PLSCR5: variants seen among roughly 807,000 people sequenced by gnomAD.
PLSCR5 encodes the protein phospholipid scramblase family member 5.
In PLSCR5, 44 loss-of-function variants were observed where a neutral mutation model predicts 33.6. The ratio of observed to expected loss-of-function variants is 1.31; its 90% CI spans 1.03 to 1.69. The LOEUF (loss-of-function observed/expected upper bound fraction) is 1.69. PLSCR5 is among the 40% of genes most tolerant of loss of function. The probability of loss-of-function intolerance (pLI) is 0.00; values close to 1 mark genes in which losing one functional copy is unlikely to be tolerated. For missense variants in PLSCR5, 375 were observed against 318.7 expected (o/e 1.18, Z -1.34); for synonymous variants, 148 against 112.3 (o/e 1.32, Z -2.01).
chr3:146,604,786 T>A (rs2044850549), intron 1 of PLSCR5, among the ~76,000 whole-genome samples: 2 of 152,052 alleles, frequency 1.3e-5, no homozygotes, highest in African/African-American at 4.8e-5. Context: ...CCACATAAAT[T>A]TTTAATATTT....
rs769533254 is a variant in PLSCR5 at position 146,589,862 on chromosome 3, G to A, written c.616-48C>T. 6.9e-6 allele frequency: 9 copies of A among 1,297,842 alleles called. No individual in the cohort carries two copies. In the East Asian group the frequency reaches 7.4e-5, roughly 11 times the overall value. The allele number at this position is 1,297,842 out of a possible 1,614,324, so 80.4% of individuals were successfully genotyped here. A position where few individuals can be genotyped will look rare whatever the true frequency, so the allele number is the denominator to read the frequency against. On this transcript the variant is annotated intron_variant, in intron 5 of 7. Coordinates refer to ENST00000443512, the MANE Select transcript of PLSCR5 (RefSeq NM_001085420.2). ...ATTAAATTTGACAGTGAAAAAAGTTGGTTTTATACTTCTGAGGGTGTTTAC... is the reference window on the plus strand; with the variant it reads ...ATTAAATTTGACAGTGAAAAAAGTTAGTTTTATACTTCTGAGGGTGTTTAC...
chr3:146,588,069 G>A (rs1405898559), intron 6 of PLSCR5, among the ~76,000 whole-genome samples: 1 of 151,956 alleles, frequency 6.6e-6, no homozygotes, highest in Non-Finnish European at 1.5e-5. Context: ...AGGAATTTAA[G>A]CTTTATAAAA....
chr3:146,577,200 T>C (rs1478292577), intron 7 of PLSCR5, among the ~76,000 whole-genome samples: 4 of 152,128 alleles, frequency 2.6e-5, no homozygotes, highest in Admixed American at 1.3e-4. Flanking sequence ...TAACTCTAGA[T>C]AGAATATTAT....
At chr3:146,588,999 A>T (rs2044687688) in intron 6 of PLSCR5, among the ~76,000 whole-genome samples, 1 of 152,184 alleles carries the variant, frequency 6.6e-6, no homozygotes, top group Admixed American at 6.6e-5. Context: ...ATGGTAGGAA[A>T]TTAGGTAAAT....
intron 6 of PLSCR5, among the ~76,000 whole-genome samples, chr3:146,586,730 A>G (rs550929867): frequency 7.9e-6 from 1 of 126,050 alleles, no homozygotes; most frequent in African/African-American, 3.0e-5. Context: ...AGAAGAGACC[A>G]AAAATTAGAT....
intron 5 of PLSCR5, among the ~76,000 whole-genome samples, chr3:146,591,072 T>C (rs184489648): frequency 1.3e-5 from 2 of 151,882 alleles, no homozygotes; most frequent in Admixed American, 6.6e-5. Flanking sequence ...AATGCTGTTT[T>C]AATGTAACGT....
In PLSCR5 at chr3:146,589,654, AAG is replaced by A. The variant is rs1422749120; in HGVS notation, c.774_775del (p.Phe259Ter). The A allele has an allele frequency of 6.3e-7, 1 of 1,575,890 alleles. No individual in the cohort carries two copies. Reference sequence around the variant, plus strand: ...CATGCTCTCAAAGCCCATACTTACAAAGAGAAAACAGGCACCGATCATTGCTG... The same window carrying A: ...CATGCTCTCAAAGCCCATACTTACAAAGAAAACAGGCACCGATCATTGCTG... On this transcript the variant is annotated frameshift_variant and splice_region_variant, in exon 6 of 8. Transcript: ENST00000443512. LOFTEE classifies it high-confidence loss of function.
chr3:146,586,396 A>T (rs57144796), intron 6 of PLSCR5, among the ~76,000 whole-genome samples: 39,567 of 152,076 alleles, frequency 0.26, 5,160 homozygotes, highest in African/African-American at 0.27. Flanking sequence ...AGAAAAATTT[A>T]AAAATTTTAA....
At position 146,591,782 on chromosome 3, in the gene PLSCR5, C is replaced by G. The variant is rs765928245; in HGVS notation, c.553G>C (p.Asp185His). The G allele has an allele frequency of 3.1e-6, 5 of 1,612,112 alleles. No individual in the cohort carries two copies. The highest frequency in any genetic ancestry group is 4.2e-6 in the Non-Finnish European group (5 of 1,178,914). ...CAAGGACCAACAATTTTCAAAATATCTTCTTTGTTTGCATTTTGGATTGTG... is the reference window on the plus strand; with the variant it reads ...CAAGGACCAACAATTTTCAAAATATGTTCTTTGTTTGCATTTTGGATTGTG... Reference protein sequence around the residue: ...KFTIQNANKEDILKIVGPCVT... With the variant: ...KFTIQNANKEHILKIVGPCVT... Residue 185 changes from aspartate to histidine, a missense_variant, in exon 5 of 8, where the codon GAT becomes CAT. Physicochemically the swap from Asp to His is moderately conservative, Grantham distance 81. Transcript: ENST00000443512.
intron 5 of PLSCR5, 37 bp from the exon 6 acceptor site, chr3:146,589,851 T>A: frequency 7.3e-7 from 1 of 1,370,354 alleles, no homozygotes; most frequent in Non-Finnish European, 9.8e-7. Flanking sequence ...AATTTGACAG[T>A]GAAAAAAGTT....
At position 146,600,167 on chromosome 3, in the gene PLSCR5, C is replaced by T. The variant is rs887487032; in HGVS notation, c.189+121G>A. 4 of 728,132 alleles carry T rather than the reference C, an allele frequency of 5.5e-6. No homozygotes were observed. The African/African-American group carries it at 5.5e-5, about 10-fold the overall frequency. 45.1% of individuals were successfully genotyped at this position (728,132 alleles called of 1,614,324 possible). A position where few individuals can be genotyped will look rare whatever the true frequency, so the allele number is the denominator to read the frequency against. ...TTTTATAATTTTATGATTTATAATG[C>T]TTTTTTCATTTCAGTAAATTATTGG... On this transcript the variant is annotated intron_variant, in intron 2 of 7. Transcript: ENST00000443512.
At chr3:146,590,417 T>TA (rs945343315) in intron 5 of PLSCR5, 3 of 152,002 alleles carry the variant, frequency 2.0e-5, no homozygotes, top group Admixed American at 6.6e-5. Context: ...ATTTTTACAT[T>TA]AAAAAAATCC....
At chr3:146,580,454 CTTTTTTTTTTTTTTTTT>C (rs1170556618) in intron 7 of PLSCR5, among the ~76,000 whole-genome samples, 1 of 60,570 alleles carries the variant, frequency 1.7e-5, no homozygotes, top group Non-Finnish European at 3.0e-5. Context: ...TTTGAATTTG[CTTTTTTTTTTTTTTTTT>C]TTTTTTTTTT....
intron 5 of PLSCR5, 35 bp downstream of exon 5, chr3:146,591,685 C>G (rs16858574): frequency 0.037 from 58,628 of 1,572,076 alleles, 1,411 homozygotes; most frequent in East Asian, 0.13. Context: ...AAATCAGGAC[C>G]TAAATGAAAA....
intron 7 of PLSCR5, among the ~76,000 whole-genome samples, chr3:146,580,392 T>C (rs1003574147): frequency 6.6e-6 from 1 of 151,066 alleles, no homozygotes; most frequent in African/African-American, 2.4e-5. Flanking sequence ...CTGTACTCCA[T>C]ACTGGCTTCC....
At chr3:146,594,459 T>C (rs2044742112) in intron 3 of PLSCR5, among the ~76,000 whole-genome samples, 1 of 152,124 alleles carries the variant, frequency 6.6e-6, no homozygotes, top group South Asian at 2.1e-4. Context: ...ATAATTATAT[T>C]ATTGTTATAG....
At position 146,592,038 on chromosome 3, in the gene PLSCR5, A is replaced by G. The variant is rs533766708; in HGVS notation, c.454-157T>C. On this transcript the variant is annotated intron_variant, in intron 4 of 7. Coordinates refer to ENST00000443512, the MANE Select transcript of PLSCR5 (RefSeq NM_001085420.2). ...ACCTGCTTCTAAGGATACAGATTTTATAAAATATTTTACAGAAAACAAAGA... is the reference window on the plus strand; with the variant it reads ...ACCTGCTTCTAAGGATACAGATTTTGTAAAATATTTTACAGAAAACAAAGA... 2.6e-5 allele frequency among the ~76,000 whole-genome samples: 4 copies of G among 152,246 alleles called. No individual in the cohort carries two copies. In the East Asian group the frequency reaches 7.7e-4, roughly 29 times the overall value.
intron 2 of PLSCR5, among the ~76,000 whole-genome samples, chr3:146,595,835 C>T (rs115713481): frequency 0.014 from 2,197 of 152,216 alleles, 59 homozygotes; most frequent in African/African-American, 0.051. Flanking sequence ...CCTCTGCCTA[C>T]GTCTACTATC....
At chr3:146,597,647 T>C (rs1459857749) in intron 2 of PLSCR5, among the ~76,000 whole-genome samples, 2 of 152,196 alleles carry the variant, frequency 1.3e-5, no homozygotes, top group Non-Finnish European at 2.9e-5. Flanking sequence ...TTACAAACTA[T>C]GGCCCAAAGG....
Sources: gnomAD v4.1 joint callset for allele counts (sites outside exome capture counted in the v4.1 genomes callset) on GRCh38, gnomAD v4.1.1 for gene constraint, MANE v1.5 for transcripts, NCBI Gene and HGNC (gene_info 2026-07-23, HGNC 2026-07-21) for gene names.